Variants in DMD observed in about 807,000 individuals in gnomAD.
The protein encoded by DMD is dystrophin.
A neutral mutation model predicts 330.1 loss-of-function variants in DMD; 63 were observed. The observed-to-expected ratio is 0.19, with a 90% CI of 0.16 to 0.24. The LOEUF is 0.24. Among genes scored for constraint, DMD ranks in the 10% least tolerant of loss-of-function variants. The pLI, the probability that DMD is intolerant of heterozygous loss-of-function variation, is 1.00. For missense variants in DMD, 3,344 were observed against 2,684.1 expected, an observed-to-expected ratio of 1.25 and a Z score of -5.43; for synonymous variants, 1,223 against 959.8, an observed-to-expected ratio of 1.27 and a Z score of -5.07.
intron 1 of DMD, among the ~76,000 whole-genome samples, chrX:33,224,844 T>A (rs997213547): frequency 9.0e-6 from 1 of 111,447 alleles, no homozygotes; most frequent in Non-Finnish European, 1.9e-5. Flanking sequence ...GAAATCTCTG[T>A]CTTTCAATTT....
chrX:31,775,936 C>T (rs768724904), intron 50 of DMD, among the ~76,000 whole-genome samples: 2 of 111,196 alleles, frequency 1.8e-5, no homozygotes, highest in African/African-American at 3.3e-5. Context: ...ATTTGTGTCA[C>T]GAAACAATGA....
intron 41 of DMD, among the ~76,000 whole-genome samples, chrX:32,316,879 C>T (rs1406368842): frequency 1.8e-5 from 2 of 110,570 alleles, no homozygotes; most frequent in Non-Finnish European, 3.8e-5. Flanking sequence ...AAAACTACAT[C>T]CATTGAATGA....
chrX:33,113,413 G>T (rs980276327), intron 1 of DMD, among the ~76,000 whole-genome samples: 1 of 111,465 alleles, frequency 9.0e-6, no homozygotes, highest in Non-Finnish European at 1.9e-5. Context: ...AGTAATTGGG[G>T]AAAAAAATAG....
At chrX:32,214,539 T>C (rs2097105545) in intron 44 of DMD, among the ~76,000 whole-genome samples, 1 of 111,372 alleles carries the variant, frequency 9.0e-6, no homozygotes, top group Admixed American at 9.6e-5. Flanking sequence ...AAGGAAACAA[T>C]CACCAGAGCT....
chrX:31,977,074 G>T (rs1428285406), intron 44 of DMD, among the ~76,000 whole-genome samples: 1 of 111,721 alleles, frequency 9.0e-6, no homozygotes, highest in Non-Finnish European at 1.9e-5. Flanking sequence ...TGGCGAAATG[G>T]TAAGGAAAAG....
intron 1 of DMD, among the ~76,000 whole-genome samples, chrX:33,105,481 G>A (rs1242267730): frequency 1.8e-5 from 2 of 112,000 alleles, no homozygotes; most frequent in Non-Finnish European, 3.8e-5. Flanking sequence ...AACCATCAAC[G>A]TAAACAGAAA....
chrX:33,324,922 T>C (rs1244275460), intron 1 of DMD, among the ~76,000 whole-genome samples: 1 of 111,498 alleles, frequency 9.0e-6, no homozygotes, highest in Non-Finnish European at 1.9e-5. Context: ...TTTCCTTTCA[T>C]GCCGTTTTAT....
intron 59 of DMD, among the ~76,000 whole-genome samples, chrX:31,453,225 G>A (rs1345749692): frequency 2.7e-5 from 3 of 110,643 alleles, no homozygotes; most frequent in African/African-American, 9.9e-5. Context: ...GTGTGATCTC[G>A]ATCTCAGCTC....
intron 25 of DMD, among the ~76,000 whole-genome samples, chrX:32,461,238 T>G (rs2098382383): frequency 8.9e-6 from 1 of 111,823 alleles, no homozygotes; most frequent in East Asian, 2.8e-4. Context: ...AGATTTACAC[T>G]TCATTTCCAT....
At chrX:31,191,702 A>AC (rs1392303722) in intron 67 of DMD, among the ~76,000 whole-genome samples, 1 of 111,640 alleles carries the variant, frequency 9.0e-6, no homozygotes, top group Non-Finnish European at 1.9e-5. Flanking sequence ...AAGTCCAATG[A>AC]CCCTCTCTCT....
chrX:32,425,869 G>A (rs186998293), intron 29 of DMD, among the ~76,000 whole-genome samples: 13 of 111,539 alleles, frequency 1.2e-4, no homozygotes, highest in South Asian at 7.4e-4. Flanking sequence ...CGACAAAGCC[G>A]ACAAAAGCAA....
chrX:31,507,325 C>G lies in DMD; in HGVS notation c.8346G>C (p.Met2782Ile). Residue 2782 changes from methionine (M) to isoleucine (I), a missense_variant, in exon 56 of 79, where the codon ATG becomes ATC. Met to Ile is a conservative substitution (Grantham distance 10). Transcript: ENST00000357033. Reference protein sequence around the residue: ...AVLLQRRLDNMNFKWSELRKK... With the variant: ...AVLLQRRLDNINFKWSELRKK... ...TCCGAAGTTCACTCCACTTGAAGTT[C>G]ATGTTATCCAAACGTCTTTGTAACA... The G allele has an allele frequency of 8.3e-7, 1 of 1,211,608 alleles. No homozygotes were observed. The highest frequency in any genetic ancestry group is 1.1e-6 in the Non-Finnish European group (1 of 895,412).
chrX:31,627,822 A>G lies in DMD; in HGVS notation c.8068T>C (p.Leu2690=). ...REAALEETHR[L]LQQFPLDLEK... is the part of the protein sequence containing the mutation. ...AGGTCCAGGGGGAACTGTTGCAGTA[A>G]TCTATGAGTTTCTTCCAAAGCAGCC... The change falls in exon 55 of 79, where the codon TTA becomes CTA. Residue 2690 remains leucine (L), a synonymous_variant. Transcript: ENST00000357033. The G allele has an allele frequency of 8.3e-7, 1 of 1,210,656 alleles. No individual in the cohort carries two copies. The highest frequency in any genetic ancestry group is 1.1e-6 in the Non-Finnish European group (1 of 895,088).
intron 7 of DMD, among the ~76,000 whole-genome samples, chrX:32,757,424 T>C (rs1039132605): frequency 2.9e-4 from 32 of 111,425 alleles, no homozygotes; most frequent in African/African-American, 9.5e-4. Context: ...TTTGACTTTA[T>C]AATTTTTCTT....
chrX:32,359,196 C>T (rs1054423333), intron 37 of DMD, among the ~76,000 whole-genome samples: 1 of 111,778 alleles, frequency 8.9e-6, no homozygotes, highest in African/African-American at 3.3e-5. Context: ...ACTGAGGATC[C>T]CTTTACTCAC....
chrX:32,596,035 C>A (rs1166954802), intron 12 of DMD, among the ~76,000 whole-genome samples, 159 bp from the exon 13 acceptor site: 1 of 111,963 alleles, frequency 8.9e-6, no homozygotes, highest in Non-Finnish European at 1.9e-5. Flanking sequence ...TGCTATGACG[C>A]TCAGCAAAAT....
chrX:32,573,463 CTAAA>C (rs1372398969), intron 15 of DMD, 63 bp downstream of exon 15: 18 of 865,982 alleles, frequency 2.1e-5, no homozygotes, highest in African/African-American at 1.0e-4. Context: ...ATAGAAGAGA[CTAAA>C]TAATAGTGAT....
intron 1 of DMD, chrX:33,159,633 G>A (rs990216356): frequency 1.8e-5 from 2 of 111,929 alleles, no homozygotes; most frequent in Non-Finnish European, 3.8e-5. Flanking sequence ...TTTAATGTCT[G>A]TGTAGTATTC....
chrX:32,138,680 A>G (rs1461386655), intron 44 of DMD, among the ~76,000 whole-genome samples: 1 of 112,109 alleles, frequency 8.9e-6, no homozygotes, highest in African/African-American at 3.2e-5. Flanking sequence ...AGACCTGCAC[A>G]GAGCACTTTA....
Sources: allele counts gnomAD v4.1 joint callset (sites outside exome capture counted in the v4.1 genomes callset), GRCh38; gene constraint gnomAD v4.1.1; transcripts MANE v1.5; gene names NCBI Gene and HGNC (gene_info 2026-07-23, HGNC 2026-07-21).